Variants in HIBCH observed in about 807,000 individuals in gnomAD.
The protein encoded by HIBCH is 3-hydroxyisobutyryl-CoA hydrolase, also known as 3-hydroxyisobutyryl-CoA hydrolase, mitochondrial.
A neutral mutation model predicts 58.2 loss-of-function variants in HIBCH; 50 were observed. The observed-to-expected ratio is 0.86, with a 90% CI of 0.68 to 1.09. The LOEUF (loss-of-function observed/expected upper bound fraction) is 1.09, where lower values mean the gene tolerates loss of function less well. HIBCH is among the 50% of genes least tolerant of loss of function. The pLI, the probability that HIBCH is intolerant of heterozygous loss-of-function variation, is 0.00. For missense variants in HIBCH, 450 were observed against 449.7 expected, an observed-to-expected ratio of 1.00 and a Z score of -0.01; for synonymous variants, 151 against 146.9, an observed-to-expected ratio of 1.03 and a Z score of -0.20.
At chr2:190,310,211 C>A (rs527506356) in intron 2 of HIBCH, among the ~76,000 whole-genome samples, 19 of 152,320 alleles carry the variant, frequency 1.2e-4, no homozygotes, top group African/African-American at 4.1e-4. Context: ...CTGGAGGCTG[C>A]ACTGTCAGCT....
In HIBCH at chr2:190,237,276, A is replaced by ATCTT. The variant is rs1686301950; in HGVS notation, c.891+7607_891+7610dup. ...ATCTGTTTTCTATTCAAATACTTTT[A>ATCTT]TCTTTTCTAGAATTTCATAAAAATA... is the stretch of plus-strand genomic sequence containing the variant. On this transcript the variant is annotated intron_variant, in intron 11 of 13. Coordinates refer to ENST00000359678, the MANE Select transcript of HIBCH (RefSeq NM_014362.4). Among the ~76,000 whole-genome samples, 4 of 152,180 alleles carry ATCTT rather than the reference A, an allele frequency of 2.6e-5. No homozygotes were observed. In the South Asian group the frequency reaches 8.3e-4, roughly 31 times the overall value.
intron 6 of HIBCH, among the ~76,000 whole-genome samples, 190 bp from the exon 7 acceptor site, chr2:190,261,424 T>C (rs996994530): frequency 6.6e-6 from 1 of 152,180 alleles, no homozygotes; most frequent in African/African-American, 2.4e-5. Context: ...CACATGACTA[T>C]ATTCCCCTTT....
intron 11 of HIBCH, among the ~76,000 whole-genome samples, chr2:190,241,934 ATG>A (rs1348898351): frequency 6.6e-6 from 1 of 152,024 alleles, no homozygotes; most frequent in Admixed American, 6.6e-5. Flanking sequence ...TCTGAAGATT[ATG>A]TGTCTTGGGG....
chr2:190,193,361 C>T (rs1268173185), intron 1 of HIBCH, among the ~76,000 whole-genome samples: 7 of 152,052 alleles, frequency 4.6e-5, no homozygotes, highest in African/African-American at 1.7e-4. Flanking sequence ...GGTCTATGTT[C>T]ATGAGGGATA....
At chr2:190,268,605 G>A (rs1217204923) in intron 6 of HIBCH, among the ~76,000 whole-genome samples, 1 of 152,092 alleles carries the variant, frequency 6.6e-6, no homozygotes, top group Non-Finnish European at 1.5e-5. Context: ...TCTGTTTTTG[G>A]CTTTAAAAGA....
At chr2:190,233,795 A>C (rs1408161367) in intron 11 of HIBCH, among the ~76,000 whole-genome samples, 1 of 152,268 alleles carries the variant, frequency 6.6e-6, no homozygotes, top group African/African-American at 2.4e-5. Context: ...ATCAACATGG[A>C]AATGCAAATT....
intron 1 of HIBCH, among the ~76,000 whole-genome samples, chr2:190,196,879 A>G (rs1254256715): frequency 2.0e-5 from 3 of 152,180 alleles, no homozygotes; most frequent in Non-Finnish European, 2.9e-5. Context: ...GGTATAACAA[A>G]ATACCAGAGA....
intron 2 of HIBCH, among the ~76,000 whole-genome samples, chr2:190,297,310 CA>C (rs1324852341): frequency 6.6e-6 from 1 of 152,122 alleles, no homozygotes; most frequent in Non-Finnish European, 1.5e-5. Flanking sequence ...TAAGAGAGGG[CA>C]AATAATTCTG....
intron 1 of HIBCH, among the ~76,000 whole-genome samples, chr2:190,194,670 TTGTC>T (rs1405951118): frequency 1.3e-5 from 2 of 152,190 alleles, no homozygotes; most frequent in Non-Finnish European, 2.9e-5. Flanking sequence ...GCCTTAAAAA[TTGTC>T]TGTTCCACCT....
At chr2:190,195,675 A>T (rs1250613026) in intron 1 of HIBCH, among the ~76,000 whole-genome samples, 1 of 152,218 alleles carries the variant, frequency 6.6e-6, no homozygotes, top group Non-Finnish European at 1.5e-5. Context: ...TTTATCAAAT[A>T]TGCTTTTGCA....
chr2:190,285,934 C>T (rs751647444), intron 6 of HIBCH, among the ~76,000 whole-genome samples: 1 of 152,064 alleles, frequency 6.6e-6, no homozygotes, highest in African/African-American at 2.4e-5. Context: ...TATAACCTCC[C>T]GGGTTCAAGC....
intron 9 of HIBCH, 90 bp downstream of exon 9, chr2:190,249,550 A>G (rs367736133): frequency 5.5e-5 from 39 of 713,822 alleles, no homozygotes; most frequent in East Asian, 4.9e-4. Context: ...ATTTATATTT[A>G]CAAACTATAA....
At chr2:190,213,165 A>C in intron 11 of HIBCH, 90 bp from the exon 12 acceptor site, 1 of 1,063,358 alleles carries the variant, frequency 9.4e-7, no homozygotes. Flanking sequence ...AATAATATTA[A>C]AATATGCCAA....
At chr2:190,249,110 T>C (rs1300224234) in intron 9 of HIBCH, among the ~76,000 whole-genome samples, 1 of 152,184 alleles carries the variant, frequency 6.6e-6, no homozygotes, top group Non-Finnish European at 1.5e-5. Flanking sequence ...CTTGTCTTTG[T>C]GGGTTTATGC....
intron 7 of HIBCH, among the ~76,000 whole-genome samples, chr2:190,256,434 C>A (rs1177023463): frequency 6.9e-6 from 1 of 145,540 alleles, no homozygotes; most frequent in Non-Finnish European, 1.5e-5. Flanking sequence ...GACCACTGCT[C>A]CAATTCTGCA....
intron 11 of HIBCH, among the ~76,000 whole-genome samples, chr2:190,237,643 T>C (rs1225214395): frequency 6.6e-6 from 1 of 152,150 alleles, no homozygotes; most frequent in African/African-American, 2.4e-5. Context: ...CTTGCTGCAA[T>C]GTGTAAGTTC....
At chr2:190,196,426 C>G (rs957380821) in intron 1 of HIBCH, among the ~76,000 whole-genome samples, 2 of 150,778 alleles carry the variant, frequency 1.3e-5, no homozygotes, top group African/African-American at 2.4e-5. Context: ...CTCTGAGATT[C>G]TTTTTTTGTT....
chr2:190,318,745 G>A (rs1182991159), intron 1 of HIBCH, among the ~76,000 whole-genome samples: 1 of 152,118 alleles, frequency 6.6e-6, no homozygotes, highest in African/African-American at 2.4e-5. Context: ...ACGATTACGT[G>A]TACTGATTTT....
chr2:190,208,363 C>G (rs1267907482), intron 13 of HIBCH, among the ~76,000 whole-genome samples: 1 of 152,174 alleles, frequency 6.6e-6, no homozygotes, highest in East Asian at 1.9e-4. Context: ...AAGGCCACAG[C>G]AGCAGGATGG....
Sources: allele counts gnomAD v4.1 joint callset (sites outside exome capture counted in the v4.1 genomes callset), GRCh38; gene constraint gnomAD v4.1.1; transcripts MANE v1.5; gene names NCBI Gene and HGNC (gene_info 2026-07-23, HGNC 2026-07-21).